CFAP263: variants seen among roughly 807,000 people sequenced by gnomAD.
CFAP263 encodes cilia and flagella associated protein 263, also known as cilia- and flagella-associated protein 263.
At chr16:58,268,365 A>C in the CFAP263 span, among the ~76,000 whole-genome samples, 1 of 152,140 alleles carries the variant, frequency 6.6e-6, no homozygotes, top group Non-Finnish European at 1.5e-5. Context: ...AGAGTGCTGG[A>C]CTCATGACCA....
chr16:58,250,387 T>G, the CFAP263 span: 3 of 377,790 alleles, frequency 7.9e-6, no homozygotes, highest in Non-Finnish European at 1.4e-5. Context: ...GTCTCTCTCA[T>G]GCCAGACGGT....
the CFAP263 span, among the ~76,000 whole-genome samples, chr16:58,272,448 G>T: frequency 6.6e-6 from 1 of 152,142 alleles, no homozygotes. Flanking sequence ...CCCTATGATG[G>T]TATACCTAGA....
chr16:58,261,338 G>T, the CFAP263 span, among the ~76,000 whole-genome samples: 7 of 152,216 alleles, frequency 4.6e-5, no homozygotes, highest in Non-Finnish European at 7.3e-5. Flanking sequence ...GGAACTGTCT[G>T]CAGATCATCA....
At chr16:58,258,294 C>A in the CFAP263 span, 1 of 1,405,590 alleles carries the variant, frequency 7.1e-7, no homozygotes. Flanking sequence ...GGCCTGGGAA[C>A]TTAGGTTTTC....
the CFAP263 span, chr16:58,279,744 G>A: frequency 4.3e-6 from 7 of 1,613,018 alleles, no homozygotes; most frequent in East Asian, 1.3e-4. Flanking sequence ...TAACCAATGA[G>A]CAGTTGCAGG....
the CFAP263 span, chr16:58,258,393 G>A: frequency 3.7e-6 from 6 of 1,613,990 alleles, no homozygotes; most frequent in African/African-American, 2.7e-5. Flanking sequence ...GCTGAAATTC[G>A]ATGGAGTGAA....
chr16:58,267,577 A>G, the CFAP263 span: 5 of 1,604,248 alleles, frequency 3.1e-6, no homozygotes, highest in African/African-American at 6.7e-5. Context: ...AAACACTACA[A>G]GTAGAGGAGG....
the CFAP263 span, among the ~76,000 whole-genome samples, chr16:58,261,305 A>C: frequency 6.6e-6 from 1 of 152,138 alleles, no homozygotes. Context: ...GCAAGAAAAA[A>C]TTCTGCCGTG....
chr16:58,250,633 C>T, the CFAP263 span, among the ~76,000 whole-genome samples: 1 of 151,944 alleles, frequency 6.6e-6, no homozygotes, highest in Non-Finnish European at 1.5e-5. Context: ...GGCGTGGTGG[C>T]GCGTGCCTGT....
At chr16:58,253,568 C>G in the CFAP263 span, among the ~76,000 whole-genome samples, 1 of 152,124 alleles carries the variant, frequency 6.6e-6, no homozygotes, top group East Asian at 1.9e-4. Context: ...CGCTTCTGAC[C>G]TTTGCCTTAA....
the CFAP263 span, among the ~76,000 whole-genome samples, chr16:58,271,355 A>G: frequency 6.6e-6 from 1 of 152,188 alleles, no homozygotes; most frequent in Non-Finnish European, 1.5e-5. Flanking sequence ...CCTCATACCC[A>G]GTTTCCCTTA....
At chr16:58,253,959 T>A in the CFAP263 span, 2 of 1,612,272 alleles carry the variant, frequency 1.2e-6, no homozygotes, top group Non-Finnish European at 1.7e-6. Flanking sequence ...TCATTACCAA[T>A]TCCTCTTTGA....
the CFAP263 span, among the ~76,000 whole-genome samples, chr16:58,263,720 G>A: frequency 6.6e-6 from 1 of 152,338 alleles, no homozygotes; most frequent in South Asian, 2.1e-4. Flanking sequence ...GCTCACACCT[G>A]CAATCCCAGC....
At chr16:58,266,197 C>T in the CFAP263 span, among the ~76,000 whole-genome samples, 4 of 151,562 alleles carry the variant, frequency 2.6e-5, no homozygotes, top group Admixed American at 6.6e-5. Flanking sequence ...TTTGACACCC[C>T]GGGGCAATGC....
chr16:58,272,219 C>T, the CFAP263 span, among the ~76,000 whole-genome samples: 3 of 151,850 alleles, frequency 2.0e-5, no homozygotes, highest in Admixed American at 6.6e-5. Flanking sequence ...GGTTTCACCA[C>T]GTTAGCCAGG....
chr16:58,258,364 C>T, the CFAP263 span: 2 of 1,613,574 alleles, frequency 1.2e-6, no homozygotes, highest in African/African-American at 2.7e-5. Flanking sequence ...GCTGACTCCC[C>T]CAGGCGATCA....
the CFAP263 span, among the ~76,000 whole-genome samples, chr16:58,268,387 A>T: frequency 2.0e-5 from 3 of 152,236 alleles, no homozygotes; most frequent in Non-Finnish European, 4.4e-5. Flanking sequence ...AAGGCCTGGC[A>T]TCAGGTTTGG....
At chr16:58,260,875 G>T in the CFAP263 span, among the ~76,000 whole-genome samples, 1 of 152,122 alleles carries the variant, frequency 6.6e-6, no homozygotes, top group Non-Finnish European at 1.5e-5. Flanking sequence ...GTAACACCCT[G>T]CACTTTTGAT....
At chr16:58,259,602 G>A in the CFAP263 span, among the ~76,000 whole-genome samples, 1 of 152,170 alleles carries the variant, frequency 6.6e-6, no homozygotes, top group Non-Finnish European at 1.5e-5. Flanking sequence ...CCCTACAGTA[G>A]CATACACCCA....
Sources: allele counts gnomAD v4.1 joint callset (sites outside exome capture counted in the v4.1 genomes callset), GRCh38; gene constraint gnomAD v4.1.1; transcripts MANE v1.5; gene names NCBI Gene and HGNC (gene_info 2026-07-23, HGNC 2026-07-21).